CDIN1: variants seen among roughly 807,000 people sequenced by gnomAD.
The protein encoded by CDIN1 is CDAN1 interacting nuclease 1, also known as CDAN1-interacting nuclease 1.
A neutral mutation model predicts 45.3 loss-of-function variants in CDIN1; 33 were observed. That is an observed-to-expected ratio of 0.73 (90% CI 0.55 to 0.97). CDIN1 has a LOEUF of 0.97. CDIN1 is among the 50% of genes least tolerant of loss of function. The probability of loss-of-function intolerance (pLI) is 0.00; values close to 1 mark genes in which losing one functional copy is unlikely to be tolerated. For missense variants in CDIN1, 303 were observed against 339.4 expected (o/e 0.89, Z 0.84); for synonymous variants, 118 against 124.4 (o/e 0.95, Z 0.34).
intron 5 of CDIN1, chr15:36,691,240 A>C (rs1409564142): frequency 1.9e-6 from 1 of 515,638 alleles, no homozygotes; most frequent in African/African-American, 1.9e-5. Context: ...TAATTAAAGC[A>C]TATGTATATG....
chr15:36,719,891 T>C (rs1262819240), intron 10 of CDIN1, among the ~76,000 whole-genome samples: 2 of 152,110 alleles, frequency 1.3e-5, no homozygotes, highest in Non-Finnish European at 2.9e-5. Context: ...TTAATCTAAG[T>C]TGCAGAATGT....
chr15:36,762,489 T>A (rs558993022), intron 10 of CDIN1, among the ~76,000 whole-genome samples: 15,299 of 152,240 alleles, frequency 0.1, 900 homozygotes, highest in Non-Finnish European at 0.14. Context: ...TTTGTTTGTT[T>A]GTTTGTTTGT....
chr15:36,738,709 ACCC>A (rs932851136), intron 10 of CDIN1, among the ~76,000 whole-genome samples: 1 of 150,630 alleles, frequency 6.6e-6, no homozygotes, highest in African/African-American at 2.4e-5. Flanking sequence ...ACCTAATCTG[ACCC>A]CCCCAACAGC....
intron 10 of CDIN1, among the ~76,000 whole-genome samples, chr15:36,713,597 C>T (rs1346994240): frequency 6.6e-6 from 1 of 151,986 alleles, no homozygotes; most frequent in African/African-American, 2.4e-5. Flanking sequence ...CTTTTTTGCC[C>T]TATTACTCTG....
chr15:36,749,506 G>A (rs756156590), intron 10 of CDIN1, among the ~76,000 whole-genome samples: 6 of 152,086 alleles, frequency 3.9e-5, no homozygotes, highest in Non-Finnish European at 8.8e-5. Flanking sequence ...TAATTCCACT[G>A]TCTGTGGAAA....
intron 5 of CDIN1, chr15:36,691,097 C>A (rs754052322): frequency 1.6e-5 from 8 of 507,244 alleles, no homozygotes; most frequent in African/African-American, 3.9e-5. Context: ...AAGATTCTCT[C>A]AATTCAGTCA....
chr15:36,645,896 A>C (rs2040307886), intron 3 of CDIN1, among the ~76,000 whole-genome samples: 1 of 152,146 alleles, frequency 6.6e-6, no homozygotes, highest in Admixed American at 6.6e-5. Context: ...TATCCAGGAG[A>C]TATTTTAATT....
intron 10 of CDIN1, chr15:36,747,028 A>C (rs1337328702): frequency 2.0e-5 from 8 of 398,114 alleles, no homozygotes; most frequent in African/African-American, 1.6e-4. Flanking sequence ...GAATTACAGG[A>C]GCGAGGAAAC....
chr15:36,762,482 G>A (rs1595567898), intron 10 of CDIN1, among the ~76,000 whole-genome samples: 1 of 111,186 alleles, frequency 9.0e-6, no homozygotes, highest in Non-Finnish European at 2.0e-5. Flanking sequence ...GTTTTGTTTT[G>A]TTTGTTTGTT....
At chr15:36,797,897 T>C (rs568883252) in intron 10 of CDIN1, among the ~76,000 whole-genome samples, 2 of 150,982 alleles carry the variant, frequency 1.3e-5, no homozygotes, top group East Asian at 1.9e-4. Context: ...GGAGAATCAT[T>C]TGAACCTGGG....
At chr15:36,749,267 G>A (rs2053392311) in intron 10 of CDIN1, among the ~76,000 whole-genome samples, 1 of 152,096 alleles carries the variant, frequency 6.6e-6, no homozygotes, top group African/African-American at 2.4e-5. Context: ...TATAAACATG[G>A]CATTTGTATA....
At chr15:36,725,624 A>G (rs1314476020) in intron 10 of CDIN1, among the ~76,000 whole-genome samples, 1 of 152,206 alleles carries the variant, frequency 6.6e-6, no homozygotes, top group Non-Finnish European at 1.5e-5. Context: ...TGTGTACATA[A>G]TGTGTTAAAA....
At position 36,602,152 on chromosome 15, in the gene CDIN1, G is replaced by A. The variant is rs371641013; in HGVS notation, c.101+22191G>A. Among the ~76,000 whole-genome samples the A allele has an allele frequency of 2.6e-3, 392 of 152,346 alleles. 1 individual carries two copies. Among genetic ancestry groups the A allele is most frequent in the African/African-American group, 8.6e-3 (359 of 41,588 alleles). On this transcript the variant is annotated intron_variant, in intron 1 of 10. Transcript: ENST00000566621. ...CGTGAACGCTTCCAGCCACTCCAGT[G>A]GAAGGGGCTGATGGTTTTGGTTGGT...
chr15:36,695,229 AG>A (rs2042380463), intron 7 of CDIN1, among the ~76,000 whole-genome samples: 1 of 152,140 alleles, frequency 6.6e-6, no homozygotes, highest in African/African-American at 2.4e-5. Context: ...TAAATAACGA[AG>A]TTTTATTTAA....
intron 3 of CDIN1, among the ~76,000 whole-genome samples, chr15:36,648,339 CA>C (rs1352767743): frequency 2.0e-5 from 3 of 150,090 alleles, no homozygotes; most frequent in African/African-American, 7.3e-5. Flanking sequence ...GTTTTGTAAA[CA>C]TTTTTTGATT....
At chr15:36,766,978 T>C (rs2053941207) in intron 10 of CDIN1, among the ~76,000 whole-genome samples, 1 of 152,214 alleles carries the variant, frequency 6.6e-6, no homozygotes, top group East Asian at 1.9e-4. Flanking sequence ...TTGTTACCTG[T>C]GCTTTTGGTG....
At chr15:36,632,722 G>A (rs945010591) in intron 1 of CDIN1, among the ~76,000 whole-genome samples, 35 of 152,186 alleles carry the variant, frequency 2.3e-4, no homozygotes. Context: ...CCGAGGGGAA[G>A]GAGAGGGTTC....
intron 10 of CDIN1, among the ~76,000 whole-genome samples, chr15:36,804,282 C>G (rs978543044): frequency 6.6e-6 from 1 of 152,092 alleles, no homozygotes; most frequent in Non-Finnish European, 1.5e-5. Context: ...TCACTATAAC[C>G]TGTAAGTATG....
intron 5 of CDIN1, among the ~76,000 whole-genome samples, chr15:36,659,970 T>TTTTC (rs1555390765): frequency 1.4e-5 from 2 of 143,896 alleles, no homozygotes; most frequent in Admixed American, 7.0e-5. Context: ...CCTTTTCTTT[T>TTTTC]TTTTTTTTTT....
Sources: allele counts gnomAD v4.1 joint callset (sites outside exome capture counted in the v4.1 genomes callset), GRCh38; gene constraint gnomAD v4.1.1; transcripts MANE v1.5; gene names NCBI Gene and HGNC (gene_info 2026-07-23, HGNC 2026-07-21).